NCKAP5: variants seen among roughly 807,000 people sequenced by gnomAD.
NCKAP5 encodes nck-associated protein 5.
In NCKAP5, 92 loss-of-function variants were observed where a neutral mutation model predicts 167.0. The ratio of observed to expected loss-of-function variants is 0.55; its 90% CI spans 0.47 to 0.66. The LOEUF is 0.66. NCKAP5 is among the 30% of genes least tolerant of loss of function. The probability of loss-of-function intolerance (pLI) is 0.00; values close to 1 mark genes in which losing one functional copy is unlikely to be tolerated. For missense variants in NCKAP5, 2,378 were observed against 2,315.0 expected, an observed-to-expected ratio of 1.03 and a Z score of -0.56; for synonymous variants, 891 against 877.4, an observed-to-expected ratio of 1.02 and a Z score of -0.27.
chr2:133,277,811 T>C (rs1382612868), intron 4 of NCKAP5, among the ~76,000 whole-genome samples: 1 of 152,092 alleles, frequency 6.6e-6, no homozygotes, highest in African/African-American at 2.4e-5. Context: ...GAGAAACAGG[T>C]TTGAAAATCC....
intron 15 of NCKAP5, among the ~76,000 whole-genome samples, chr2:132,778,341 AG>A (rs1358943427): frequency 1.3e-5 from 2 of 152,142 alleles, no homozygotes; most frequent in Non-Finnish European, 2.9e-5. Flanking sequence ...AAACATTAAT[AG>A]GACTTTGAAA....
Position 132,959,838 on chromosome 2 carries a change from TG to T in NCKAP5, c.579+3881del, listed in dbSNP as rs2076460164. On this transcript the variant is annotated intron_variant, in intron 8 of 19. Coordinates refer to ENST00000409261, the MANE Select transcript of NCKAP5 (RefSeq NM_207363.3). ...TGTTCTAAGTCAAATAAACAGTCTC[TG>T]AAACAGCAGCCTTGAAAACCCAAAC... Among the ~76,000 whole-genome samples the T allele has an allele frequency of 2.6e-5, 4 of 152,170 alleles. No homozygotes were observed. In the South Asian group the frequency reaches 8.3e-4, roughly 32 times the overall value.
intron 3 of NCKAP5, among the ~76,000 whole-genome samples, chr2:133,443,268 G>A (rs79926232): frequency 1.3e-5 from 2 of 152,190 alleles, no homozygotes; most frequent in African/African-American, 4.8e-5. Context: ...CTAGGGAAGA[G>A]CTAGTCCTGC....
chr2:133,331,136 G>A (rs1343514960), intron 3 of NCKAP5, among the ~76,000 whole-genome samples: 2 of 152,142 alleles, frequency 1.3e-5, no homozygotes, highest in Non-Finnish European at 2.9e-5. Flanking sequence ...GACTGATACA[G>A]AATTTTTTAG....
At chr2:133,666,637 A>C in the NCKAP5 span, among the ~76,000 whole-genome samples, 2 of 152,074 alleles carry the variant, frequency 1.3e-5, no homozygotes, top group Admixed American at 6.5e-5. Flanking sequence ...GTAATGAATA[A>C]TTTTATAATC....
intron 4 of NCKAP5, among the ~76,000 whole-genome samples, chr2:133,229,281 T>C (rs2150240802): frequency 6.6e-6 from 1 of 152,322 alleles, no homozygotes; most frequent in Non-Finnish European, 1.5e-5. Context: ...AATTATCATC[T>C]ATTTCACTGA....
chr2:132,806,831 T>C (rs907849852), intron 11 of NCKAP5, among the ~76,000 whole-genome samples: 1 of 152,196 alleles, frequency 6.6e-6, no homozygotes, highest in Non-Finnish European at 1.5e-5. Flanking sequence ...TTCTTGGTCA[T>C]GAAATCCTTG....
At chr2:133,227,396 GTTCATA>G (rs765976749) in intron 4 of NCKAP5, among the ~76,000 whole-genome samples, 3 of 152,178 alleles carry the variant, frequency 2.0e-5, no homozygotes, top group Non-Finnish European at 4.4e-5. Context: ...TATTGACTTA[GTTCATA>G]TTCCAGAGTG....
chr2:132,932,897 C>G (rs1048130361), intron 8 of NCKAP5, among the ~76,000 whole-genome samples: 1 of 148,712 alleles, frequency 6.7e-6, no homozygotes, highest in Non-Finnish European at 1.5e-5. Flanking sequence ...ACACTTTAGG[C>G]AAATCTTTCC....
At chr2:132,840,929 C>T (rs979990031) in intron 11 of NCKAP5, among the ~76,000 whole-genome samples, 2 of 151,794 alleles carry the variant, frequency 1.3e-5, no homozygotes, top group African/African-American at 4.8e-5. Flanking sequence ...ATAATTGGAC[C>T]CATGCATTTC....
rs111616894 is a variant in NCKAP5, at chr2:132,767,247, C to CT, written c.5128+6568dup. Among the ~76,000 whole-genome samples the CT allele has an allele frequency of 1.6e-4, 24 of 148,458 alleles. 1 individual carries two copies. The highest frequency in any genetic ancestry group is 3.6e-4 in the African/African-American group (15 of 41,140). ...CAAGAGTTCTTATTCTTCTTTTTTTCTTTTTTTTTCTTTTTTGAGACAGAG... is the reference window on the plus strand; with the variant it reads ...CAAGAGTTCTTATTCTTCTTTTTTTCTTTTTTTTTTCTTTTTTGAGACAGAG... On this transcript the variant is annotated intron_variant, in intron 16 of 19. Transcript: ENST00000409261.
intron 3 of NCKAP5, among the ~76,000 whole-genome samples, chr2:133,432,632 T>G: frequency 6.6e-6 from 1 of 152,126 alleles, no homozygotes; most frequent in East Asian, 1.9e-4. Context: ...GCCGTCAGGG[T>G]AGCATGCTCA....
intron 6 of NCKAP5, among the ~76,000 whole-genome samples, chr2:133,101,223 C>T (rs372413053): frequency 1.3e-3 from 181 of 143,506 alleles, no homozygotes; most frequent in Middle Eastern, 6.8e-3. Flanking sequence ...AGATATGTGG[C>T]GTTATTTCTG....
At chr2:133,010,096 AAAAC>A (rs2078105755) in intron 6 of NCKAP5, among the ~76,000 whole-genome samples, 1 of 140,362 alleles carries the variant, frequency 7.1e-6, no homozygotes, top group African/African-American at 2.5e-5. Flanking sequence ...ATAAATAAAA[AAAAC>A]AAACAGAGGC....
chr2:132,874,081 T>A (rs1241922322), intron 9 of NCKAP5, among the ~76,000 whole-genome samples: 1 of 151,734 alleles, frequency 6.6e-6, no homozygotes, highest in African/African-American at 2.4e-5. Flanking sequence ...TACGATCGTC[T>A]TCCATTTCTT....
At chr2:133,448,209 T>C (rs1691324513) in intron 3 of NCKAP5, among the ~76,000 whole-genome samples, 1 of 151,534 alleles carries the variant, frequency 6.6e-6, no homozygotes. Context: ...TTCTCCCCTT[T>C]GTCAACCTTC....
intron 2 of NCKAP5, among the ~76,000 whole-genome samples, chr2:133,535,750 C>T (rs1315323641): frequency 2.0e-5 from 3 of 152,132 alleles, no homozygotes; most frequent in Admixed American, 2.0e-4. Flanking sequence ...AATTTTCATT[C>T]CCACCAACAG....
chr2:133,480,507 T>C (rs893557249), intron 3 of NCKAP5, among the ~76,000 whole-genome samples: 1 of 152,026 alleles, frequency 6.6e-6, no homozygotes, highest in African/African-American at 2.4e-5. Flanking sequence ...ATCCTGTGCA[T>C]AGAGCCTCCT....
chr2:133,087,101 A>C (rs1317039927), intron 6 of NCKAP5, among the ~76,000 whole-genome samples: 1 of 152,204 alleles, frequency 6.6e-6, no homozygotes. Flanking sequence ...AAAAGTCTGA[A>C]TGAACAAACT....
Sources: gnomAD v4.1 joint callset for allele counts (sites outside exome capture counted in the v4.1 genomes callset) on GRCh38, gnomAD v4.1.1 for gene constraint, MANE v1.5 for transcripts, NCBI Gene and HGNC (gene_info 2026-07-23, HGNC 2026-07-21) for gene names.